Variants in LGSN observed in about 807,000 individuals in gnomAD.
The protein encoded by LGSN is lengsin, lens protein with glutamine synthetase domain, also known as lengsin.
LGSN carries 21 observed loss-of-function variants against 19.5 expected under a neutral mutation model. The ratio of observed to expected loss-of-function variants is 1.07; its 90% CI spans 0.76 to 1.55. LGSN has a LOEUF of 1.55. Among genes scored for constraint, LGSN ranks in the 40% most tolerant of loss-of-function variants. LGSN has a pLI of 0.00. For missense variants in LGSN, 673 were observed against 608.5 expected (o/e 1.11, Z -1.12); for synonymous variants, 257 against 215.6 (o/e 1.19, Z -1.68).
intron 2 of LGSN, among the ~76,000 whole-genome samples, chr6:63,286,470 T>C (rs1472757626): frequency 6.6e-6 from 1 of 152,190 alleles, no homozygotes; most frequent in African/African-American, 2.4e-5. Flanking sequence ...ACTGTAGAGC[T>C]AGAAGAGAAC....
chr6:63,355,776 A>G, the LGSN span, among the ~76,000 whole-genome samples: 1 of 152,142 alleles, frequency 6.6e-6, no homozygotes, highest in Non-Finnish European at 1.5e-5. Context: ...CCTCCCAGGT[A>G]CAAGCAATTC....
the LGSN span, among the ~76,000 whole-genome samples, chr6:63,332,438 C>T: frequency 6.6e-6 from 1 of 152,104 alleles, no homozygotes; most frequent in Admixed American, 6.5e-5. Flanking sequence ...CCGCTCATGG[C>T]CGCAGGGTCA....
chr6:63,300,518 T>C (rs1582037454), intron 1 of LGSN, among the ~76,000 whole-genome samples: 1 of 151,888 alleles, frequency 6.6e-6, no homozygotes, highest in East Asian at 1.9e-4. Context: ...ATATAAAAAT[T>C]AGCTAGGCAC....
chr6:63,345,426 A>C, the LGSN span, among the ~76,000 whole-genome samples: 1 of 152,246 alleles, frequency 6.6e-6, no homozygotes, highest in African/African-American at 2.4e-5. Flanking sequence ...TTTTCCGCCA[A>C]AAATAAAATT....
chr6:63,397,738 T>A, the LGSN span, among the ~76,000 whole-genome samples: 1 of 152,048 alleles, frequency 6.6e-6, no homozygotes, highest in Admixed American at 6.6e-5. Context: ...GCCAACATGG[T>A]GAAACCCCAT....
At chr6:63,537,238 T>C in the LGSN span, among the ~76,000 whole-genome samples, 2 of 152,280 alleles carry the variant, frequency 1.3e-5, no homozygotes, top group African/African-American at 2.4e-5. Context: ...CCTGGACCAA[T>C]AGCATCAACG....
In LGSN at chr6:63,308,665, G is replaced by A. The variant is rs1768498233; in HGVS notation, c.30+11249C>T. On this transcript the variant is annotated intron_variant, in intron 1 of 3. Transcript: ENST00000370657. The stretch of plus-strand genomic sequence containing the variant: ...CTATATAATAGTTATAGTCCGAGGT[G>A]TAGGCATTAATGCATTTACCAAACA... Among the ~76,000 whole-genome samples the A allele has an allele frequency of 2.0e-5, 3 of 151,840 alleles. No individual in the cohort carries two copies. In the South Asian group the frequency reaches 6.2e-4, roughly 32 times the overall value.
the LGSN span, among the ~76,000 whole-genome samples, chr6:63,501,586 G>A: frequency 2.0e-5 from 3 of 151,552 alleles, no homozygotes; most frequent in Non-Finnish European, 2.9e-5. Context: ...GCTGTCTAAT[G>A]TGAAAAAAAA....
chr6:63,330,853 T>TA, the LGSN span, among the ~76,000 whole-genome samples: 1 of 152,214 alleles, frequency 6.6e-6, no homozygotes, highest in Non-Finnish European at 1.5e-5. Flanking sequence ...TTCTTTTCAT[T>TA]AAAGGCCAGG....
the LGSN span, among the ~76,000 whole-genome samples, chr6:63,414,682 T>C: frequency 6.6e-6 from 1 of 152,246 alleles, no homozygotes; most frequent in Non-Finnish European, 1.5e-5. Flanking sequence ...CCCAACACTT[T>C]CAGAGGCAGT....
At chr6:63,566,809 C>A in the LGSN span, among the ~76,000 whole-genome samples, 2 of 152,200 alleles carry the variant, frequency 1.3e-5, no homozygotes, top group African/African-American at 4.8e-5. Context: ...GTATTTTACA[C>A]ACAAGAGAAC....
the LGSN span, among the ~76,000 whole-genome samples, chr6:63,462,715 T>G: frequency 6.6e-6 from 1 of 152,162 alleles, no homozygotes; most frequent in African/African-American, 2.4e-5. Flanking sequence ...GTTTCCAGAG[T>G]GTCACAAGGC....
At chr6:63,312,777 G>A (rs1259760013) in intron 1 of LGSN, among the ~76,000 whole-genome samples, 5 of 152,144 alleles carry the variant, frequency 3.3e-5, no homozygotes, top group Non-Finnish European at 4.4e-5. Flanking sequence ...AGAAGCGGGC[G>A]AAATGAGCAT....
the LGSN span, among the ~76,000 whole-genome samples, chr6:63,514,627 T>A: frequency 6.6e-6 from 1 of 152,246 alleles, no homozygotes; most frequent in Admixed American, 6.5e-5. Context: ...AACCCTCAAA[T>A]CATTAAACCT....
chr6:63,503,351 A>T, the LGSN span, among the ~76,000 whole-genome samples: 9 of 152,230 alleles, frequency 5.9e-5, no homozygotes, highest in Non-Finnish European at 1.2e-4. Context: ...ATCAGACTTC[A>T]TCGCCTGGAA....
At chr6:63,498,402 C>T in the LGSN span, among the ~76,000 whole-genome samples, 2 of 152,040 alleles carry the variant, frequency 1.3e-5, no homozygotes, top group Non-Finnish European at 2.9e-5. Context: ...ACCCATTATT[C>T]CCTATCTCAT....
the LGSN span, among the ~76,000 whole-genome samples, chr6:63,488,285 T>C: frequency 6.6e-6 from 1 of 152,170 alleles, no homozygotes; most frequent in Non-Finnish European, 1.5e-5. Context: ...TTAGCTTAAT[T>C]CTCATAACTG....
At chr6:63,448,599 T>TA in the LGSN span, among the ~76,000 whole-genome samples, 81 of 146,224 alleles carry the variant, frequency 5.5e-4, no homozygotes, top group Non-Finnish European at 4.4e-4. Context: ...CCTCGATCAT[T>TA]AAAAAAAAAA....
chr6:63,573,112 C>G, the LGSN span: 2 of 165,970 alleles, frequency 1.2e-5, no homozygotes, highest in African/African-American at 4.8e-5. Flanking sequence ...GCCCTTTGGT[C>G]TGGCGCGACC....
Sources: allele counts gnomAD v4.1 joint callset (sites outside exome capture counted in the v4.1 genomes callset), GRCh38; gene constraint gnomAD v4.1.1; transcripts MANE v1.5; gene names NCBI Gene and HGNC (gene_info 2026-07-23, HGNC 2026-07-21).